DLG2: variants seen among roughly 807,000 people sequenced by gnomAD.
DLG2 encodes disks large homolog 2.
Under a neutral mutation model 132.5 loss-of-function variants are expected in DLG2, and 45 were observed. The ratio of observed to expected loss-of-function variants is 0.34; its 90% CI spans 0.27 to 0.44. DLG2 has a LOEUF of 0.44. Ranked by LOEUF, DLG2 falls within the 20% of genes least tolerant of loss-of-function variation. The pLI is 1.00. For synonymous variants in DLG2, 424 were observed against 419.6 expected, an observed-to-expected ratio of 1.01 and a Z score of -0.13; for missense variants, 1,045 against 1,196.9, an observed-to-expected ratio of 0.87 and a Z score of 1.87.
chr11:85,038,243 T>C (rs879404727), intron 6 of DLG2, among the ~76,000 whole-genome samples: 2 of 152,118 alleles, frequency 1.3e-5, no homozygotes, highest in South Asian at 2.1e-4. Context: ...GCTACAGATA[T>C]AATGGATCTT....
At chr11:84,599,125 A>G (rs1032982772) in intron 6 of DLG2, among the ~76,000 whole-genome samples, 5 of 152,230 alleles carry the variant, frequency 3.3e-5, no homozygotes, top group Middle Eastern at 3.4e-3. Context: ...CATGCCTGTA[A>G]TTCCAGCTAC....
intron 3 of DLG2, among the ~76,000 whole-genome samples, chr11:85,444,569 A>T (rs1363255901): frequency 6.6e-6 from 1 of 152,258 alleles, no homozygotes; most frequent in Non-Finnish European, 1.5e-5. Context: ...CAGATGTCCA[A>T]ATTGTGGCCA....
intron 8 of DLG2, among the ~76,000 whole-genome samples, chr11:84,209,157 G>GT: frequency 6.6e-6 from 1 of 152,310 alleles, no homozygotes; most frequent in Middle Eastern, 3.4e-3. Context: ...ATCACCTCAT[G>GT]TGATGTATTG....
chr11:85,088,796 A>G (rs1485286080), intron 6 of DLG2, among the ~76,000 whole-genome samples: 1 of 152,208 alleles, frequency 6.6e-6, no homozygotes, highest in African/African-American at 2.4e-5. Context: ...TTTAAGCACT[A>G]GAACCACACA....
At chr11:84,032,991 A>G (rs1408079945) in intron 11 of DLG2, among the ~76,000 whole-genome samples, 1 of 152,152 alleles carries the variant, frequency 6.6e-6, no homozygotes, top group Non-Finnish European at 1.5e-5. Flanking sequence ...AGAAAAAAAG[A>G]TTTCTTTCAA....
At chr11:85,006,973 CATA>C (rs2058713734) in intron 6 of DLG2, among the ~76,000 whole-genome samples, 1 of 152,094 alleles carries the variant, frequency 6.6e-6, no homozygotes, top group South Asian at 2.1e-4. Context: ...AGCCCATCTC[CATA>C]ATATTTTAAG....
At chr11:83,784,725 T>C (rs1337421164) in intron 18 of DLG2, among the ~76,000 whole-genome samples, 2 of 152,238 alleles carry the variant, frequency 1.3e-5, no homozygotes, top group African/African-American at 4.8e-5. Context: ...GACATGTTTG[T>C]CCTTTTATGT....
chr11:83,628,013 T>A (rs1452147030), intron 19 of DLG2, among the ~76,000 whole-genome samples: 1 of 152,244 alleles, frequency 6.6e-6, no homozygotes, highest in Non-Finnish European at 1.5e-5. Context: ...AAATGTCTTC[T>A]TTTGAGAAGT....
At chr11:85,420,198 C>A (rs1325589879) in intron 3 of DLG2, among the ~76,000 whole-genome samples, 2 of 152,194 alleles carry the variant, frequency 1.3e-5, no homozygotes, top group African/African-American at 4.8e-5. Flanking sequence ...CCCTCTGCTG[C>A]AGGTCTGCTG....
chr11:85,385,630 T>C (rs2152936898), intron 3 of DLG2, among the ~76,000 whole-genome samples: 1 of 152,310 alleles, frequency 6.6e-6, no homozygotes, highest in East Asian at 1.9e-4. Context: ...TTCACATCAG[T>C]AAACTCCATG....
rs757243832 is a variant in DLG2, at chr11:84,251,251, T to C, written c.560A>G (p.Asp187Gly). 2 of 1,586,902 alleles carry C rather than the reference T, an allele frequency of 1.3e-6. No individual in the cohort carries two copies. The highest frequency in any genetic ancestry group is 2.3e-5 in the East Asian group (1 of 43,606). The change falls in exon 8 of 28, where the codon GAC (aspartate) becomes GGC (glycine). Residue 187 changes from aspartate (D) to glycine (G), a missense_variant. Physicochemically the swap from Asp to Gly is moderately conservative, Grantham distance 94 (BLOSUM62 -1). Transcript: ENST00000376104. ...APIIVNTDTL[D>G]TIPYVNGTEI... ...AAAGTTACTTACATAAGGAATTGTG[T>C]CCAAAGTATCTGTGTTGACAATTAT...
chr11:84,719,888 T>A (rs1301358483), intron 6 of DLG2, among the ~76,000 whole-genome samples: 4 of 152,148 alleles, frequency 2.6e-5, no homozygotes, highest in African/African-American at 9.7e-5. Flanking sequence ...CCACCCCACT[T>A]ACTCCTGCTA....
chr11:84,278,735 A>C (rs1483452804), intron 7 of DLG2, among the ~76,000 whole-genome samples: 3 of 152,148 alleles, frequency 2.0e-5, no homozygotes, highest in African/African-American at 7.2e-5. Context: ...TAAATAATGA[A>C]TTTATTCATA....
intron 4 of DLG2, among the ~76,000 whole-genome samples, chr11:85,226,706 G>T (rs1256429180): frequency 6.6e-6 from 1 of 152,142 alleles, no homozygotes; most frequent in Non-Finnish European, 1.5e-5. Context: ...CGTGATTCCT[G>T]TAAAATGAAT....
At chr11:84,934,162 G>A (rs935901764) in intron 6 of DLG2, among the ~76,000 whole-genome samples, 1 of 151,922 alleles carries the variant, frequency 6.6e-6, no homozygotes, top group Non-Finnish European at 1.5e-5. Context: ...CTGTTTATGC[G>A]ATAAATCACA....
At chr11:83,841,734 T>G (rs1595256697) in intron 16 of DLG2, among the ~76,000 whole-genome samples, 1 of 152,250 alleles carries the variant, frequency 6.6e-6, no homozygotes, top group Non-Finnish European at 1.5e-5. Flanking sequence ...TCACTCACAA[T>G]ATCAGCAGTT....
intron 3 of DLG2, among the ~76,000 whole-genome samples, chr11:85,347,374 G>A (rs2152871382): frequency 6.6e-6 from 1 of 152,172 alleles, no homozygotes; most frequent in Middle Eastern, 3.4e-3. Flanking sequence ...TTATCTGATT[G>A]CAGAAAATAA....
chr11:83,711,900 A>C (rs2085513254), intron 18 of DLG2, among the ~76,000 whole-genome samples: 1 of 152,134 alleles, frequency 6.6e-6, no homozygotes, highest in Non-Finnish European at 1.5e-5. Context: ...CTCAACATCA[A>C]ATTATTAGAG....
At chr11:83,637,144 T>C (rs1346828121) in intron 18 of DLG2, among the ~76,000 whole-genome samples, 1 of 152,204 alleles carries the variant, frequency 6.6e-6, no homozygotes, top group African/African-American at 2.4e-5. Context: ...AATATAAGTA[T>C]GTTTTATAGA....
Sources: gnomAD v4.1 joint callset for allele counts (sites outside exome capture counted in the v4.1 genomes callset) on GRCh38, gnomAD v4.1.1 for gene constraint, MANE v1.5 for transcripts, NCBI Gene and HGNC (gene_info 2026-07-23, HGNC 2026-07-21) for gene names.